PAG1: variants seen among roughly 807,000 people sequenced by gnomAD.
The protein encoded by PAG1 is phosphoprotein associated with glycosphingolipid-enriched microdomains 1.
Under a neutral mutation model 31.7 loss-of-function variants are expected in PAG1, and 23 were observed. The observed-to-expected ratio is 0.73, with a 90% CI of 0.52 to 1.03. The LOEUF is 1.03. Among genes scored for constraint, PAG1 ranks in the 50% least tolerant of loss-of-function variants. The pLI, the probability that PAG1 is intolerant of heterozygous loss-of-function variation, is 0.00. For missense variants in PAG1, 473 were observed against 540.7 expected (o/e 0.87, Z 1.24); for synonymous variants, 214 against 210.3 (o/e 1.02, Z -0.15).
chr8:81,069,080 C>A (rs555847155), intron 2 of PAG1, among the ~76,000 whole-genome samples: 1 of 152,300 alleles, frequency 6.6e-6, no homozygotes, highest in East Asian at 1.9e-4. Flanking sequence ...GATTCTTTAG[C>A]CTAAGTTAAC....
intron 1 of PAG1, among the ~76,000 whole-genome samples, chr8:81,093,348 T>G (rs1809477494): frequency 6.6e-6 from 1 of 152,226 alleles, no homozygotes; most frequent in African/African-American, 2.4e-5. Context: ...TAATTAATGG[T>G]ATGTTCATTT....
At chr8:81,106,381 T>C (rs79752527) in intron 1 of PAG1, among the ~76,000 whole-genome samples, 1 of 91,990 alleles carries the variant, frequency 1.1e-5, no homozygotes, top group Non-Finnish European at 2.9e-5. Context: ...TTCTTCCGTA[T>C]TTTTTTTTTT....
At chr8:81,037,759 T>G (rs531034082) in intron 2 of PAG1, among the ~76,000 whole-genome samples, 70 of 152,388 alleles carry the variant, frequency 4.6e-4, no homozygotes, top group African/African-American at 1.6e-3. Context: ...CCAGCACAAC[T>G]ACAGAGGATA....
At chr8:81,046,466 C>T (rs1808643463) in intron 2 of PAG1, among the ~76,000 whole-genome samples, 1 of 152,166 alleles carries the variant, frequency 6.6e-6, no homozygotes, top group Non-Finnish European at 1.5e-5. Flanking sequence ...CTCTTATCAC[C>T]ATTTGATACC....
intron 2 of PAG1, among the ~76,000 whole-genome samples, chr8:81,031,944 G>A (rs1163013742): frequency 6.6e-6 from 1 of 152,156 alleles, no homozygotes; most frequent in African/African-American, 2.4e-5. Context: ...TTTGGCAAGG[G>A]TGCCAAGACT....
intron 1 of PAG1, among the ~76,000 whole-genome samples, chr8:81,091,667 T>A (rs1809447939): frequency 6.6e-6 from 1 of 152,154 alleles, no homozygotes; most frequent in Non-Finnish European, 1.5e-5. Flanking sequence ...CTGACAAAAA[T>A]GTTGGTATGT....
At chr8:81,071,800 C>T (rs1379769934) in intron 1 of PAG1, among the ~76,000 whole-genome samples, 7 of 152,140 alleles carry the variant, frequency 4.6e-5, no homozygotes, top group Non-Finnish European at 1.0e-4. Flanking sequence ...GTTGTGAATA[C>T]AGTACAGAAA....
chr8:81,001,113 T>C (rs1287561877), intron 3 of PAG1, among the ~76,000 whole-genome samples: 1 of 152,254 alleles, frequency 6.6e-6, no homozygotes, highest in East Asian at 1.9e-4. Context: ...GCTTTCCTGA[T>C]GCCAAAACCC....
chr8:80,983,253 A>G (rs1807344783), intron 7 of PAG1, among the ~76,000 whole-genome samples: 1 of 152,148 alleles, frequency 6.6e-6, no homozygotes, highest in South Asian at 2.1e-4. Flanking sequence ...ACCCCCTTGG[A>G]TCCTTTAACT....
In PAG1 at chr8:81,056,804, A is replaced by T. The variant is rs1808830448; in HGVS notation, c.-175+13308T>A. Among the ~76,000 whole-genome samples the T allele has an allele frequency of 2.0e-5, 3 of 152,114 alleles. No homozygotes were observed. The South Asian group carries it at 6.2e-4, about 32-fold the overall frequency. ...AGGCAACCTACAGAATGGGAAAAAA[A>T]TTTGCAACCTACTCCTCTGACAAAG... On this transcript the variant is annotated intron_variant, in intron 2 of 8. Coordinates refer to ENST00000220597, the MANE Select transcript of PAG1 (RefSeq NM_018440.4).
At chr8:81,024,285 G>A (rs1401925497) in intron 3 of PAG1, among the ~76,000 whole-genome samples, 7 of 152,108 alleles carry the variant, frequency 4.6e-5, no homozygotes, top group African/African-American at 4.8e-5. Context: ...ATCCAGGCTC[G>A]GCCAATGCTA....
chr8:80,996,769 T>C (rs1329678022), intron 3 of PAG1, among the ~76,000 whole-genome samples: 1 of 152,170 alleles, frequency 6.6e-6, no homozygotes, highest in Non-Finnish European at 1.5e-5. Flanking sequence ...AATGCAGTGC[T>C]TGGGGGTCCT....
intron 1 of PAG1, among the ~76,000 whole-genome samples, chr8:81,072,192 T>A (rs972780381): frequency 6.6e-6 from 1 of 152,230 alleles, no homozygotes; most frequent in Admixed American, 6.5e-5. Context: ...AGTGTGCTTG[T>A]AAAGAGTCAG....
intron 3 of PAG1, among the ~76,000 whole-genome samples, chr8:81,004,222 A>G (rs1300620906): frequency 6.6e-6 from 1 of 152,222 alleles, no homozygotes; most frequent in African/African-American, 2.4e-5. Context: ...CATATACCCA[A>G]AATATTGAAA....
In PAG1 at chr8:80,980,686, T is replaced by C. The variant is rs1425501716; in HGVS notation, c.877-192A>G. ...TATGATGTTCGGGGATATCTAGTAGTATTATCCTTAGAGAAATTTCCTCTA... is the reference window on the plus strand; with the variant it reads ...TATGATGTTCGGGGATATCTAGTAGCATTATCCTTAGAGAAATTTCCTCTA... On this transcript the variant is annotated intron_variant, in intron 7 of 8. Transcript: ENST00000220597. Among the ~76,000 whole-genome samples the C allele has an allele frequency of 2.6e-5, 4 of 152,244 alleles. No individual in the cohort carries two copies. In the East Asian group the frequency reaches 7.7e-4, roughly 29 times the overall value.
At chr8:81,077,067 G>A (rs1809190351) in intron 1 of PAG1, among the ~76,000 whole-genome samples, 1 of 152,236 alleles carries the variant, frequency 6.6e-6, no homozygotes, top group Non-Finnish European at 1.5e-5. Flanking sequence ...GGAAGCTTGA[G>A]CTTAGAAATC....
At chr8:80,991,396 A>G (rs1443914500) in intron 5 of PAG1, 83 bp downstream of exon 5, 5 of 1,078,956 alleles carry the variant, frequency 4.6e-6, no homozygotes, top group African/African-American at 3.1e-5. Context: ...TCAGGCTGTG[A>G]GCACATGGGA....
At chr8:81,059,139 T>A (rs184700177) in intron 2 of PAG1, among the ~76,000 whole-genome samples, 4 of 152,264 alleles carry the variant, frequency 2.6e-5, no homozygotes, top group African/African-American at 9.6e-5. Context: ...CATCCTCCCA[T>A]GTACTTTAAA....
In PAG1 at chr8:81,040,927, A is replaced by C. The variant is rs1017440831; in HGVS notation, c.-174-10838T>G. On this transcript the variant is annotated intron_variant, in intron 2 of 8. Transcript: ENST00000220597. ...AGGAGAAGGAAAAAACAGACGTGAA[A>C]GATTGTAAACTCCCTTGTACAAAAG... 8 of 152,380 alleles carry C rather than the reference A, an allele frequency of 5.3e-5. 1 individual carries two copies. Among genetic ancestry groups the C allele is most frequent in the Admixed American group, 3.3e-4 (5 of 15,302 alleles). The allele number at this position is 152,380 out of a possible 1,614,324, so 9.4% of individuals were successfully genotyped here. A position where few individuals can be genotyped will look rare whatever the true frequency, so the allele number is the denominator to read the frequency against.
Sources: allele counts gnomAD v4.1 joint callset (sites outside exome capture counted in the v4.1 genomes callset), GRCh38; gene constraint gnomAD v4.1.1; transcripts MANE v1.5; gene names NCBI Gene and HGNC (gene_info 2026-07-23, HGNC 2026-07-21).